The following CECR2 variants were observed in gnomAD, a reference collection of about 807,000 sequenced individuals.
CECR2 encodes CECR2 histone acetyl-lysine reader, also known as chromatin remodeling regulator CECR2.
In CECR2, 30 loss-of-function variants were observed where a neutral mutation model predicts 154.5. That is an observed-to-expected ratio of 0.19 (90% CI 0.15 to 0.26). The LOEUF (loss-of-function observed/expected upper bound fraction) is 0.26. Ranked by LOEUF, CECR2 falls within the 10% of genes least tolerant of loss-of-function variation. The pLI, the probability that CECR2 is intolerant of heterozygous loss-of-function variation, is 1.00. For missense variants in CECR2, 1,743 were observed against 1,829.3 expected (o/e 0.95, Z 0.86); for synonymous variants, 725 against 683.7 (o/e 1.06, Z -0.94).
In CECR2 at chr22:17,541,893, T is replaced by C. The variant is rs753576563; in HGVS notation, c.1939T>C (p.Leu647=). The C allele has an allele frequency of 1.9e-6, 3 of 1,614,030 alleles. No individual in the cohort carries two copies. Among genetic ancestry groups the C allele is most frequent in the Non-Finnish European group, 2.5e-6 (3 of 1,179,892 alleles). Residue 647 remains leucine, a synonymous_variant, in exon 15 of 19, where the codon TTG becomes CTG. Coordinates refer to ENST00000262608, the MANE Select transcript of CECR2 (RefSeq NM_001290047.2). ...GPLRGSDPAT[L]YGSSGVPEPH... ...TCTGCGAGGATCAGATCCTGCCACC[T>C]TGTATGGCTCCTCTGGAGTCCCGGA... is the stretch of plus-strand genomic sequence containing the variant.
chr22:17,473,792 T>G (rs1233540608), intron 1 of CECR2, among the ~76,000 whole-genome samples: 1 of 152,196 alleles, frequency 6.6e-6, no homozygotes, highest in Non-Finnish European at 1.5e-5. Flanking sequence ...GTCAAAGAGA[T>G]ATCCAAAACT....
chr22:17,407,774 A>C (rs1031013746), intron 1 of CECR2, among the ~76,000 whole-genome samples: 1 of 152,154 alleles, frequency 6.6e-6, no homozygotes, highest in Non-Finnish European at 1.5e-5. Flanking sequence ...GCCACAACTC[A>C]GGGGAAGAGG....
At chr22:17,414,213 C>T (rs1474310603) in intron 1 of CECR2, among the ~76,000 whole-genome samples, 1 of 152,106 alleles carries the variant, frequency 6.6e-6, no homozygotes, top group African/African-American at 2.4e-5. Context: ...ACCTCGTGAT[C>T]CGCCCGCCTT....
chr22:17,420,257 G>C (rs866881353), intron 1 of CECR2, among the ~76,000 whole-genome samples: 2,501 of 152,262 alleles, frequency 0.016, 59 homozygotes, highest in African/African-American at 0.056. Context: ...CCTTTAGATT[G>C]CGATGGATTC....
At chr22:17,463,458 G>A (rs2054975527) in intron 1 of CECR2, among the ~76,000 whole-genome samples, 1 of 152,166 alleles carries the variant, frequency 6.6e-6, no homozygotes, top group Admixed American at 6.5e-5. Flanking sequence ...AATGGGCCAT[G>A]GAGATGGTGT....
At chr22:17,382,047 C>T (rs1370578341) in intron 1 of CECR2, among the ~76,000 whole-genome samples, 2 of 111,036 alleles carry the variant, frequency 1.8e-5, no homozygotes, top group East Asian at 5.3e-4. Context: ...GCCACCACGC[C>T]CTGCTAATTT....
intron 1 of CECR2, among the ~76,000 whole-genome samples, chr22:17,379,581 G>GGTGTGTGTGTATGTGTGTGT (rs1555899688): frequency 5.1e-5 from 7 of 137,814 alleles, no homozygotes; most frequent in Non-Finnish European, 7.8e-5. Flanking sequence ...CTACGTTGAA[G>GGTGTGTGTGTATGTGTGTGT]GTGTGTGTGT....
chr22:17,489,096 A>G (rs2055477698), intron 2 of CECR2, among the ~76,000 whole-genome samples: 1 of 150,992 alleles, frequency 6.6e-6, no homozygotes, highest in Non-Finnish European at 1.5e-5. Context: ...GGCATGCGCC[A>G]GCTAATTTTT....
At position 17,470,968 on chromosome 22, in the gene CECR2, A is replaced by G. The variant is rs1271317702; in HGVS notation, c.127-6620A>G. Among the ~76,000 whole-genome samples the G allele has an allele frequency of 2.0e-5, 3 of 152,190 alleles. No individual in the cohort carries two copies. In the East Asian group the frequency reaches 5.8e-4, roughly 29 times the overall value. On this transcript the variant is annotated intron_variant, in intron 1 of 18. Transcript: ENST00000262608. ...AGCAGTGATCTCCTAGTAGCAAGAGAATGATGACTCCAAACCTCAGAGGCC... is the reference window on the plus strand; with the variant it reads ...AGCAGTGATCTCCTAGTAGCAAGAGGATGATGACTCCAAACCTCAGAGGCC...
chr22:17,530,138 C>G (rs1319627853), intron 9 of CECR2, among the ~76,000 whole-genome samples: 1 of 150,924 alleles, frequency 6.6e-6, no homozygotes, highest in Non-Finnish European at 1.5e-5. Flanking sequence ...CTCAACAGTG[C>G]TGATGGTCAC....
At chr22:17,431,415 G>A (rs1023915029) in intron 1 of CECR2, among the ~76,000 whole-genome samples, 8 of 152,182 alleles carry the variant, frequency 5.3e-5, no homozygotes, top group African/African-American at 1.4e-4. Context: ...AGAAGTTATT[G>A]TACATACATG....
chr22:17,529,129 C>T (rs2056311817), intron 9 of CECR2, among the ~76,000 whole-genome samples: 1 of 152,148 alleles, frequency 6.6e-6, no homozygotes, highest in African/African-American at 2.4e-5. Context: ...GAAGATTTGA[C>T]ATTTAAATAA....
chr22:17,481,070 A>G (rs2055305902), intron 2 of CECR2, among the ~76,000 whole-genome samples: 1 of 145,564 alleles, frequency 6.9e-6, no homozygotes. Flanking sequence ...AAGGCCGGGC[A>G]CGGTGCCTCA....
At chr22:17,488,957 T>A (rs112205667) in intron 2 of CECR2, among the ~76,000 whole-genome samples, 2 of 152,218 alleles carry the variant, frequency 1.3e-5, no homozygotes, top group Non-Finnish European at 2.9e-5. Context: ...TATTTACTTA[T>A]TTATTTGTTT....
intron 1 of CECR2, among the ~76,000 whole-genome samples, chr22:17,451,709 C>T (rs566499605): frequency 2.0e-4 from 31 of 152,180 alleles, no homozygotes; most frequent in Non-Finnish European, 3.7e-4. Context: ...AATTAAATAT[C>T]ATTGCAGCAA....
chr22:17,506,731 G>A (rs1055345377), intron 7 of CECR2, among the ~76,000 whole-genome samples: 16 of 152,048 alleles, frequency 1.1e-4, no homozygotes, highest in Admixed American at 2.0e-4. Flanking sequence ...TTGGCCCCCC[G>A]CAGCCTCCAC....
At chr22:17,429,553 A>AAAG (rs2054388528) in intron 1 of CECR2, among the ~76,000 whole-genome samples, 1 of 151,372 alleles carries the variant, frequency 6.6e-6, no homozygotes, top group Non-Finnish European at 1.5e-5. Context: ...AACAAAAACA[A>AAAG]AAACAAAGAA....
intron 1 of CECR2, among the ~76,000 whole-genome samples, chr22:17,402,720 C>T (rs1249041658): frequency 6.6e-6 from 1 of 151,648 alleles, no homozygotes; most frequent in Non-Finnish European, 1.5e-5. Flanking sequence ...AACAGTTTCC[C>T]AATCTTTTCT....
intron 1 of CECR2, among the ~76,000 whole-genome samples, chr22:17,375,250 A>T (rs1198263023): frequency 2.0e-5 from 3 of 151,918 alleles, no homozygotes; most frequent in African/African-American, 7.3e-5. Context: ...AGTAGCTGGG[A>T]TTACAGGCAT....
Sources: allele counts gnomAD v4.1 joint callset (sites outside exome capture counted in the v4.1 genomes callset), GRCh38; gene constraint gnomAD v4.1.1; transcripts MANE v1.5; gene names NCBI Gene and HGNC (gene_info 2026-07-23, HGNC 2026-07-21).